Variants in CNTNAP2 observed in about 807,000 individuals in gnomAD.
CNTNAP2 encodes contactin associated protein 2.
In CNTNAP2, 98 loss-of-function variants were observed where a neutral mutation model predicts 155.2. The observed-to-expected ratio is 0.63, with a 90% confidence interval of 0.54 to 0.75. CNTNAP2 has a LOEUF of 0.75. Among genes scored for constraint, CNTNAP2 ranks in the 30% least tolerant of loss-of-function variants. The pLI is 0.00. For synonymous variants in CNTNAP2, 651 were observed against 631.2 expected, an observed-to-expected ratio of 1.03 and a Z score of -0.47; for missense variants, 1,727 against 1,688.1, an observed-to-expected ratio of 1.02 and a Z score of -0.40.
intron 21 of CNTNAP2, among the ~76,000 whole-genome samples, chr7:148,350,317 A>T (rs1201993352): frequency 6.6e-6 from 1 of 151,980 alleles, no homozygotes; most frequent in Non-Finnish European, 1.5e-5. Context: ...GCAGGCAAGG[A>T]CTCCAGGCTG....
At chr7:147,047,609 T>G (rs899954940) in intron 4 of CNTNAP2, among the ~76,000 whole-genome samples, 7 of 152,200 alleles carry the variant, frequency 4.6e-5, no homozygotes, top group Admixed American at 4.6e-4. Flanking sequence ...TGACATTTTT[T>G]TAACAATAAT....
At chr7:146,483,322 T>TATATAC (rs1554439594) in intron 1 of CNTNAP2, among the ~76,000 whole-genome samples, 20 of 85,230 alleles carry the variant, frequency 2.3e-4, no homozygotes, top group Non-Finnish European at 3.3e-4. Context: ...TATATATATA[T>TATATAC]ATATATACAT....
chr7:147,345,181 CTGAAAACAAT>C (rs1795833533), intron 9 of CNTNAP2, among the ~76,000 whole-genome samples: 1 of 152,028 alleles, frequency 6.6e-6, no homozygotes, highest in Non-Finnish European at 1.5e-5. Context: ...TATAAAACAA[CTGAAAACAAT>C]GAAAACTGGT....
At chr7:146,565,790 C>A (rs1056497162) in intron 1 of CNTNAP2, among the ~76,000 whole-genome samples, 1 of 152,218 alleles carries the variant, frequency 6.6e-6, no homozygotes, top group Admixed American at 6.5e-5. Context: ...TCCTTTCTCC[C>A]AGTGGCCCAT....
chr7:146,635,411 G>A (rs893546531), intron 1 of CNTNAP2, among the ~76,000 whole-genome samples: 2 of 152,188 alleles, frequency 1.3e-5, no homozygotes, highest in African/African-American at 4.8e-5. Flanking sequence ...AACTCCTGAA[G>A]TGTCAGGGGC....
intron 3 of CNTNAP2, among the ~76,000 whole-genome samples, chr7:146,869,641 G>T (rs539660107): frequency 6.6e-6 from 1 of 152,192 alleles, no homozygotes; most frequent in Non-Finnish European, 1.5e-5. Context: ...TGTGGCCAAA[G>T]GTCCAAGAGC....
At chr7:147,272,562 C>G (rs1046320843) in intron 8 of CNTNAP2, among the ~76,000 whole-genome samples, 1 of 151,914 alleles carries the variant, frequency 6.6e-6, no homozygotes, top group Non-Finnish European at 1.5e-5. Flanking sequence ...GCAGTGGCGC[C>G]ATCTCGGCTC....
intron 15 of CNTNAP2, among the ~76,000 whole-genome samples, chr7:148,106,799 G>A (rs1002532450): frequency 3.5e-4 from 53 of 152,012 alleles, no homozygotes; most frequent in African/African-American, 1.3e-3. Context: ...TCTTTGCCAG[G>A]GTGTAAAAGA....
At chr7:146,488,279 C>CT (rs970967640) in intron 1 of CNTNAP2, among the ~76,000 whole-genome samples, 1 of 104,258 alleles carries the variant, frequency 9.6e-6, no homozygotes, top group African/African-American at 4.1e-5. Flanking sequence ...CTCCCCTCCT[C>CT]CCTCCCTCCC....
intron 20 of CNTNAP2, 86 bp from the exon 21 acceptor site, chr7:148,266,947 G>A: frequency 5.7e-6 from 7 of 1,227,372 alleles, no homozygotes; most frequent in Non-Finnish European, 8.5e-6. Context: ...AGGGTTCAAA[G>A]AGTGATGTCA....
chr7:147,490,076 A>T (rs1798579257), intron 11 of CNTNAP2, among the ~76,000 whole-genome samples: 1 of 152,224 alleles, frequency 6.6e-6, no homozygotes, highest in African/African-American at 2.4e-5. Context: ...TAGCCTTGGA[A>T]ATTTATTAAA....
chr7:146,424,869 C>A (rs756312816), intron 1 of CNTNAP2, among the ~76,000 whole-genome samples: 1 of 151,988 alleles, frequency 6.6e-6, no homozygotes, highest in African/African-American at 2.4e-5. Context: ...CTAGTTCTAC[C>A]CTATGTAGTC....
At chr7:148,125,039 C>T (rs1804685843) in intron 16 of CNTNAP2, among the ~76,000 whole-genome samples, 1 of 151,968 alleles carries the variant, frequency 6.6e-6, no homozygotes, top group African/African-American at 2.4e-5. Context: ...TGAAGTATGA[C>T]ACAGGCAGTG....
At chr7:147,422,356 G>A (rs781711277) in intron 10 of CNTNAP2, among the ~76,000 whole-genome samples, 36 of 151,106 alleles carry the variant, frequency 2.4e-4, no homozygotes, top group Non-Finnish European at 4.7e-4. Context: ...CACTATGTAT[G>A]TGTATATATA....
At chr7:146,534,532 C>A (rs1485982092) in intron 1 of CNTNAP2, among the ~76,000 whole-genome samples, 1 of 152,026 alleles carries the variant, frequency 6.6e-6, no homozygotes, top group Non-Finnish European at 1.5e-5. Flanking sequence ...TAAAAAGACC[C>A]TATGCGTAGA....
intron 8 of CNTNAP2, among the ~76,000 whole-genome samples, chr7:147,187,442 C>G (rs149346374): frequency 6.6e-6 from 1 of 152,048 alleles, no homozygotes; most frequent in East Asian, 1.9e-4. Flanking sequence ...TAAAAAAGAA[C>G]AGAATTATGT....
chr7:147,409,801 A>C (rs921046658), intron 10 of CNTNAP2, among the ~76,000 whole-genome samples: 2 of 152,122 alleles, frequency 1.3e-5, no homozygotes, highest in African/African-American at 4.8e-5. Flanking sequence ...AAAAAAAAAA[A>C]ACCTCAACAT....
chr7:147,258,084 C>A (rs1206118930), intron 8 of CNTNAP2, among the ~76,000 whole-genome samples: 1 of 152,060 alleles, frequency 6.6e-6, no homozygotes, highest in Non-Finnish European at 1.5e-5. Flanking sequence ...GAGACAGAGA[C>A]GTTCAAAGTA....
chr7:147,634,692 TG>T (rs1314265714), intron 12 of CNTNAP2, among the ~76,000 whole-genome samples: 2 of 152,208 alleles, frequency 1.3e-5, no homozygotes, highest in Non-Finnish European at 2.9e-5. Context: ...CATACGTGCA[TG>T]TGTATTTCTT....
Sources: allele counts gnomAD v4.1 joint callset (sites outside exome capture counted in the v4.1 genomes callset), GRCh38; gene constraint gnomAD v4.1.1; transcripts MANE v1.5; gene names NCBI Gene and HGNC (gene_info 2026-07-23, HGNC 2026-07-21).